Variants in HPSE2 observed in about 807,000 individuals in gnomAD.
HPSE2 encodes the protein inactive heparanase-2.
A neutral mutation model predicts 60.5 loss-of-function variants in HPSE2; 38 were observed. That is an observed-to-expected ratio of 0.63 (90% CI 0.48 to 0.82). HPSE2 has a LOEUF of 0.82. Among genes scored for constraint, HPSE2 ranks in the 40% least tolerant of loss-of-function variants. HPSE2 has a pLI of 0.00. For missense variants in HPSE2, 713 were observed against 740.4 expected (o/e 0.96, Z 0.43); for synonymous variants, 295 against 293.2 (o/e 1.01, Z -0.06).
At chr10:98,919,777 G>T (rs1026309202) in intron 3 of HPSE2, among the ~76,000 whole-genome samples, 1 of 152,124 alleles carries the variant, frequency 6.6e-6, no homozygotes, top group Non-Finnish European at 1.5e-5. Flanking sequence ...TAAAAGTACA[G>T]ATAGTTGGAT....
At chr10:98,910,970 G>C (rs539257861) in intron 3 of HPSE2, among the ~76,000 whole-genome samples, 3 of 152,118 alleles carry the variant, frequency 2.0e-5, no homozygotes, top group Non-Finnish European at 4.4e-5. Context: ...AGAAAATGTT[G>C]AGACTTTCTG....
chr10:98,856,965 A>G (rs1034447978), intron 3 of HPSE2, among the ~76,000 whole-genome samples: 1 of 152,158 alleles, frequency 6.6e-6, no homozygotes. Context: ...GTTTTTCCAC[A>G]ATATGGATAA....
intron 3 of HPSE2, among the ~76,000 whole-genome samples, chr10:98,789,607 G>A (rs1950612918): frequency 6.6e-6 from 1 of 152,184 alleles, no homozygotes; most frequent in African/African-American, 2.4e-5. Flanking sequence ...TCACTGATGT[G>A]GGCTGTCTTG....
chr10:98,666,226 C>T (rs1201128028), intron 6 of HPSE2, among the ~76,000 whole-genome samples: 4 of 151,974 alleles, frequency 2.6e-5, no homozygotes, highest in African/African-American at 9.7e-5. Flanking sequence ...CAACAAGAAG[C>T]CCTAACTATC....
the HPSE2 span, among the ~76,000 whole-genome samples, chr10:99,297,077 GA>G: frequency 6.6e-6 from 1 of 152,206 alleles, no homozygotes; most frequent in Non-Finnish European, 1.5e-5. Flanking sequence ...GAGCCCATCA[GA>G]AGAGCAAGCA....
At chr10:98,762,628 AAT>A (rs149169023) in intron 3 of HPSE2, among the ~76,000 whole-genome samples, 8,234 of 152,206 alleles carry the variant, frequency 0.054, 712 homozygotes, top group African/African-American at 0.18. Flanking sequence ...CTCAAACTTT[AAT>A]AACAGAACTG....
intron 9 of HPSE2, among the ~76,000 whole-genome samples, chr10:98,511,331 T>G (rs1186672486): frequency 6.6e-6 from 1 of 152,056 alleles, no homozygotes; most frequent in Non-Finnish European, 1.5e-5. Context: ...TTTGTATTTT[T>G]AGTAGAGACA....
intron 3 of HPSE2, among the ~76,000 whole-genome samples, chr10:98,775,372 G>A (rs1397240714): frequency 6.6e-6 from 1 of 152,158 alleles, no homozygotes; most frequent in Non-Finnish European, 1.5e-5. Flanking sequence ...ATCTCCATTG[G>A]GAGAAACCAG....
chr10:98,897,812 G>T (rs1953537588), intron 3 of HPSE2, among the ~76,000 whole-genome samples: 1 of 152,036 alleles, frequency 6.6e-6, no homozygotes, highest in Admixed American at 6.6e-5. Flanking sequence ...AACACCAAAA[G>T]CATGACCCAT....
At chr10:98,506,841 T>G (rs757063410) in intron 9 of HPSE2, among the ~76,000 whole-genome samples, 1 of 152,186 alleles carries the variant, frequency 6.6e-6, no homozygotes, top group Non-Finnish European at 1.5e-5. Context: ...TGATATTCTA[T>G]GAAAACCATT....
intron 3 of HPSE2, among the ~76,000 whole-genome samples, chr10:99,106,140 C>A (rs1459947090): frequency 6.6e-6 from 1 of 152,090 alleles, no homozygotes; most frequent in Non-Finnish European, 1.5e-5. Context: ...TCAATTTCTA[C>A]ACAAAAGCCT....
At chr10:99,235,985 C>A, upstream of HPSE2, 1 of 430,882 alleles carries the variant, frequency 2.3e-6, no homozygotes, top group Non-Finnish European at 4.0e-6. Context: ...CTCGCTCGCT[C>A]GTTTTGTTTT....
At chr10:99,296,772 C>T in the HPSE2 span, among the ~76,000 whole-genome samples, 991 of 152,242 alleles carry the variant, frequency 6.5e-3, 8 homozygotes, top group South Asian at 0.029. Context: ...GAGCCACAGT[C>T]TGTAAGGTGG....
chr10:98,604,004 A>C (rs1945506873), intron 9 of HPSE2, among the ~76,000 whole-genome samples: 1 of 152,144 alleles, frequency 6.6e-6, no homozygotes, highest in Non-Finnish European at 1.5e-5. Context: ...TAATCATAGG[A>C]CTATAGGATG....
At chr10:99,185,986 CAA>C (rs942324792) in intron 2 of HPSE2, among the ~76,000 whole-genome samples, 1 of 151,496 alleles carries the variant, frequency 6.6e-6, no homozygotes, top group African/African-American at 2.4e-5. Flanking sequence ...TCCTAAAAGG[CAA>C]AGAGAGAAAG....
chr10:98,887,553 T>C (rs1228019368), intron 3 of HPSE2, among the ~76,000 whole-genome samples: 1 of 151,776 alleles, frequency 6.6e-6, no homozygotes, highest in Non-Finnish European at 1.5e-5. Context: ...ACATCCGAGG[T>C]GTAGGGGAGT....
chr10:99,048,196 C>T, intron 3 of HPSE2: 2 of 645,254 alleles, frequency 3.1e-6, no homozygotes, highest in Non-Finnish European at 5.6e-6. Context: ...GCATCATCTG[C>T]ACGGAGGATC....
the HPSE2 span, among the ~76,000 whole-genome samples, chr10:99,266,827 CTG>C: frequency 1.3e-5 from 2 of 152,294 alleles, no homozygotes; most frequent in South Asian, 4.1e-4. Context: ...TCACACGACT[CTG>C]TGCAGACACT....
chr10:99,176,412 T>C (rs1847528672), intron 2 of HPSE2, among the ~76,000 whole-genome samples: 1 of 151,894 alleles, frequency 6.6e-6, no homozygotes. Flanking sequence ...AATAACCAGT[T>C]TAGAAAAGGA....
Sources: allele counts gnomAD v4.1 joint callset (sites outside exome capture counted in the v4.1 genomes callset), GRCh38; gene constraint gnomAD v4.1.1; transcripts MANE v1.5; gene names NCBI Gene and HGNC (gene_info 2026-07-23, HGNC 2026-07-21).